The following SMYD1 variants were observed in gnomAD, a reference collection of about 807,000 sequenced individuals.
SMYD1 encodes SET and MYND domain containing 1, also known as histone-lysine N-methyltransferase SMYD1.
A neutral mutation model predicts 54.0 loss-of-function variants in SMYD1; 49 were observed. That is an observed-to-expected ratio of 0.91 (90% CI 0.72 to 1.15). SMYD1 has a LOEUF of 1.15. Among genes scored for constraint, SMYD1 ranks in the 50% most tolerant of loss-of-function variants. The probability of loss-of-function intolerance (pLI) is 0.00; values close to 1 mark genes in which losing one functional copy is unlikely to be tolerated. For synonymous variants in SMYD1, 269 were observed against 234.2 expected, an observed-to-expected ratio of 1.15 and a Z score of -1.36; for missense variants, 653 against 639.6, an observed-to-expected ratio of 1.02 and a Z score of -0.23.
intron 7 of SMYD1, among the ~76,000 whole-genome samples, chr2:88,104,303 T>C (rs1674805513): frequency 6.6e-6 from 1 of 152,162 alleles, no homozygotes; most frequent in Admixed American, 6.5e-5. Flanking sequence ...TCTTCCTCCT[T>C]CTTTACTAAC....
chr2:88,096,345 G>C (rs896229748), intron 5 of SMYD1, among the ~76,000 whole-genome samples: 1 of 152,206 alleles, frequency 6.6e-6, no homozygotes, highest in Non-Finnish European at 1.5e-5. Context: ...TCTCTACTAG[G>C]AGTCTATTTG....
At position 88,102,814 on chromosome 2, in the gene SMYD1, G is replaced by A. The variant is rs546735812; in HGVS notation, c.889-244G>A. ...GTTCAAAGGGCCAGGAATTTGCACA[G>A]GCTGGGATGATTGGCTGACAGCAAG... is the stretch of plus-strand genomic sequence containing the variant. On this transcript the variant is annotated intron_variant, in intron 6 of 9. Transcript: ENST00000419482. Among the ~76,000 whole-genome samples, 211 of 152,318 alleles carry A rather than the reference G, an allele frequency of 1.4e-3. 1 individual carries two copies. The highest frequency in any genetic ancestry group is 2.0e-3 in the Non-Finnish European group (133 of 68,026).
At chr2:88,093,376 C>A in intron 4 of SMYD1, 141 bp from the exon 5 acceptor site, 2 of 938,042 alleles carry the variant, frequency 2.1e-6, no homozygotes, top group South Asian at 1.4e-5. Context: ...GTGAGTCCAG[C>A]TAGAAGGGGC....
chr2:88,103,221 A>G, intron 7 of SMYD1, 71 bp downstream of exon 7: 1 of 1,058,256 alleles, frequency 9.4e-7, no homozygotes, highest in Non-Finnish European at 1.4e-6. Context: ...AAGGGAGGGA[A>G]GTGGCGTGAG....
At position 88,088,064 on chromosome 2, in the gene SMYD1, A is replaced by T; in HGVS notation, c.517A>T (p.Ile173Phe). The change falls in exon 3 of 10, where the codon ATC becomes TTC. Residue 173 changes from isoleucine (I) to phenylalanine (F), a missense_variant. By Grantham distance (21) the Ile-to-Phe change is conservative (BLOSUM62 0). Transcript: ENST00000419482. ...QQFSMQYISH[I>F]FGVINCNGFT... ...GTTCAGCATGCAGTACATCTCGCAC[A>T]TCTTCGGAGTGGTAGGCCCCCTGCG... 2.5e-6 allele frequency: 4 copies of T among 1,613,278 alleles called. No homozygotes were observed. Among genetic ancestry groups the T allele is most frequent in the Non-Finnish European group, 3.4e-6 (4 of 1,179,514 alleles).
chr2:88,089,262 C>G (rs145641037), intron 3 of SMYD1, among the ~76,000 whole-genome samples: 1 of 152,342 alleles, frequency 6.6e-6, no homozygotes, highest in East Asian at 1.9e-4. Context: ...AGGCACTCTG[C>G]TTTACTCAAA....
At chr2:88,100,026 C>T (rs7561959) in intron 6 of SMYD1, among the ~76,000 whole-genome samples, 4 of 142,452 alleles carry the variant, frequency 2.8e-5, no homozygotes, top group African/African-American at 8.1e-5. Flanking sequence ...AGATCCCCCA[C>T]CTCCTGCTCC....
Position 88,112,197 on chromosome 2 carries a change from T to C in SMYD1, c.*1685T>C. 1.4e-6 allele frequency: 1 copy of C among 702,750 alleles called. No homozygotes were observed. The highest frequency in any genetic ancestry group is 2.6e-6 in the Non-Finnish European group (1 of 384,766). 43.5% of individuals were successfully genotyped at this position (702,750 alleles called of 1,614,324 possible). A position where few individuals can be genotyped will look rare whatever the true frequency, so the allele number is the denominator to read the frequency against. On this transcript the variant is annotated 3_prime_UTR_variant, in exon 10 of 10. Transcript: ENST00000419482. Reference sequence around the variant, plus strand: ...CAGGGATCTAACTGGCTAGTTCAAATTATCACTCTTTTACCTTCATATAAA... The same window carrying C: ...CAGGGATCTAACTGGCTAGTTCAAACTATCACTCTTTTACCTTCATATAAA...
At chr2:88,106,967 G>A (rs895487612) in intron 8 of SMYD1, among the ~76,000 whole-genome samples, 4 of 152,288 alleles carry the variant, frequency 2.6e-5, no homozygotes, top group African/African-American at 4.8e-5. Context: ...TTGGGAGGCC[G>A]AGGCGGGAGG....
At chr2:88,102,445 G>A (rs1024024107) in intron 6 of SMYD1, among the ~76,000 whole-genome samples, 2 of 152,168 alleles carry the variant, frequency 1.3e-5, no homozygotes, top group African/African-American at 2.4e-5. Flanking sequence ...AGGAACAGCT[G>A]ACAGATATTC....
intron 1 of SMYD1, among the ~76,000 whole-genome samples, chr2:88,071,614 G>T (rs1457683857): frequency 6.6e-6 from 1 of 152,188 alleles, no homozygotes; most frequent in Non-Finnish European, 1.5e-5. Context: ...CCTTCCAGCA[G>T]GTCCTCCAGG....
chr2:88,100,026 C>A (rs7561959), intron 6 of SMYD1, among the ~76,000 whole-genome samples: 80,627 of 142,362 alleles, frequency 0.57, 23,212 homozygotes, highest in African/African-American at 0.68. Flanking sequence ...AGATCCCCCA[C>A]CTCCTGCTCC....
chr2:88,102,241 T>G (rs952369850), intron 6 of SMYD1, among the ~76,000 whole-genome samples: 1 of 152,236 alleles, frequency 6.6e-6, no homozygotes, highest in Admixed American at 6.5e-5. Flanking sequence ...AAGCATAGCA[T>G]GTAAACTTCT....
chr2:88,094,597 C>G (rs12614873), intron 5 of SMYD1, among the ~76,000 whole-genome samples: 53,555 of 151,970 alleles, frequency 0.35, 9,564 homozygotes, highest in Middle Eastern at 0.46. Context: ...AAGGTAAAAT[C>G]AGGCATACAT....
chr2:88,087,382 C>T (rs530806551), intron 2 of SMYD1, among the ~76,000 whole-genome samples: 1 of 152,288 alleles, frequency 6.6e-6, no homozygotes, highest in East Asian at 1.9e-4. Context: ...CCTGCCCACA[C>T]CTCCACCTTT....
intron 2 of SMYD1, 64 bp downstream of exon 2, chr2:88,084,556 A>T (rs1674278132): frequency 1.4e-6 from 2 of 1,465,468 alleles, no homozygotes; most frequent in Admixed American, 1.9e-5. Context: ...TGGTGGCAGT[A>T]ACAACATTCC....
At chr2:88,072,625 G>T (rs1390683570) in intron 1 of SMYD1, among the ~76,000 whole-genome samples, 1 of 152,078 alleles carries the variant, frequency 6.6e-6, no homozygotes, top group Non-Finnish European at 1.5e-5. Context: ...AAATCATAAT[G>T]TATCCTAAAA....
intron 2 of SMYD1, 138 bp from the exon 3 acceptor site, chr2:88,087,724 A>G: frequency 2.7e-6 from 2 of 733,258 alleles, no homozygotes; most frequent in Non-Finnish European, 4.4e-6. Context: ...GCATCATGAT[A>G]GAATAAATTC....
At position 88,084,442 on chromosome 2, in the gene SMYD1, T is replaced by C. The variant is rs750795914; in HGVS notation, c.264T>C (p.Asn88=). The C allele has an allele frequency of 4.4e-6, 7 of 1,605,974 alleles. No homozygotes were observed. In the East Asian group the frequency reaches 1.6e-4, roughly 36 times the overall value. ...AGGATGCTTGGCTGAACCACAAGAA[T>C]GAATGTTCGGCCATCAAGAGATATG... ...CQKDAWLNHK[N]ECSAIKRYGK... is the part of the protein sequence containing the mutation. The change falls in exon 2 of 10, where the codon AAT becomes AAC. Residue 88 remains asparagine (N), a synonymous_variant. Transcript: ENST00000419482.
Sources: gnomAD v4.1 joint callset for allele counts (sites outside exome capture counted in the v4.1 genomes callset) on GRCh38, gnomAD v4.1.1 for gene constraint, MANE v1.5 for transcripts, NCBI Gene and HGNC (gene_info 2026-07-23, HGNC 2026-07-21) for gene names.